Variants in SNX30 observed in about 807,000 individuals in gnomAD.
SNX30 encodes the protein sorting nexin family member 30.
Under a neutral mutation model 46.4 loss-of-function variants are expected in SNX30, and 24 were observed. That is an observed-to-expected ratio of 0.52 (90% CI 0.37 to 0.73). The LOEUF is 0.73. Ranked by LOEUF, SNX30 falls within the 30% of genes least tolerant of loss-of-function variation. The pLI is 0.00. For missense variants in SNX30, 533 were observed against 555.7 expected, an observed-to-expected ratio of 0.96 and a Z score of 0.41; for synonymous variants, 189 against 211.5, an observed-to-expected ratio of 0.89 and a Z score of 0.92.
chr9:112,837,627 C>T (rs1236583922), intron 5 of SNX30, among the ~76,000 whole-genome samples: 1 of 151,844 alleles, frequency 6.6e-6, no homozygotes, highest in Admixed American at 6.6e-5. Context: ...AGGTGCCCGC[C>T]ACCACGCCTG....
intron 1 of SNX30, among the ~76,000 whole-genome samples, chr9:112,778,500 G>A (rs146457692): frequency 6.6e-6 from 1 of 152,148 alleles, no homozygotes; most frequent in Non-Finnish European, 1.5e-5. Flanking sequence ...GCGAACTCCT[G>A]ACCTTAGGTG....
intron 1 of SNX30, among the ~76,000 whole-genome samples, chr9:112,775,211 A>C (rs1230769758): frequency 7.2e-6 from 1 of 139,396 alleles, no homozygotes; most frequent in Non-Finnish European, 1.5e-5. Flanking sequence ...GCTGGAGTGC[A>C]ATGGTGTGAT....
chr9:112,773,344 A>G (rs996477935), intron 1 of SNX30, among the ~76,000 whole-genome samples: 5 of 152,174 alleles, frequency 3.3e-5, no homozygotes, highest in Non-Finnish European at 5.9e-5. Context: ...ACTGATAGTC[A>G]TAACTCATAT....
At chr9:112,825,602 C>T (rs1266964244) in intron 3 of SNX30, among the ~76,000 whole-genome samples, 1 of 151,938 alleles carries the variant, frequency 6.6e-6, no homozygotes. Context: ...TTCCCCCAAT[C>T]GATTTTTTAA....
chr9:112,768,220 G>A (rs957758731), intron 1 of SNX30, among the ~76,000 whole-genome samples: 1 of 152,214 alleles, frequency 6.6e-6, no homozygotes, highest in Middle Eastern at 3.4e-3. Flanking sequence ...GATTTTCCTC[G>A]TGAGCTGCCT....
chr9:112,832,839 TTAATATA>T (rs1840689578), intron 4 of SNX30, among the ~76,000 whole-genome samples: 1 of 146,484 alleles, frequency 6.8e-6, no homozygotes, highest in African/African-American at 2.5e-5. Context: ...AATAAATATA[TTAATATA>T]TAATATATAA....
At chr9:112,885,001 C>G (rs77427648), downstream of SNX30, among the ~76,000 whole-genome samples, 1 of 152,084 alleles carries the variant, frequency 6.6e-6, no homozygotes, top group Non-Finnish European at 1.5e-5. Context: ...AGGACTCATA[C>G]GAAAACAGGA....
intron 8 of SNX30, among the ~76,000 whole-genome samples, chr9:112,866,174 G>T (rs1262204489): frequency 6.6e-6 from 1 of 152,144 alleles, no homozygotes; most frequent in Admixed American, 6.5e-5. Context: ...CTGCCCTGTG[G>T]AGGGTATGTG....
At chr9:112,774,507 C>T (rs1418328814) in intron 1 of SNX30, among the ~76,000 whole-genome samples, 7 of 152,198 alleles carry the variant, frequency 4.6e-5, no homozygotes, top group Non-Finnish European at 8.8e-5. Flanking sequence ...CGTGATCATT[C>T]ATGTGCAAGT....
intron 1 of SNX30, among the ~76,000 whole-genome samples, chr9:112,775,545 TGTG>T (rs1564264777): frequency 1.9e-3 from 125 of 64,446 alleles, no homozygotes; most frequent in Non-Finnish European, 3.3e-3. Context: ...TTTAAATTTG[TGTG>T]TGTGTGTGTG....
chr9:112,816,823 T>G (rs1840403810), intron 2 of SNX30, among the ~76,000 whole-genome samples: 1 of 152,240 alleles, frequency 6.6e-6, no homozygotes, highest in Non-Finnish European at 1.5e-5. Flanking sequence ...ATATAGTGTG[T>G]ATCCTCATAG....
At chr9:112,788,333 C>T (rs1438407788) in intron 1 of SNX30, among the ~76,000 whole-genome samples, 1 of 152,124 alleles carries the variant, frequency 6.6e-6, no homozygotes. Flanking sequence ...CCTTAGGCAC[C>T]TGACTTCTTA....
At chr9:112,834,673 G>C (rs1029371941) in intron 4 of SNX30, among the ~76,000 whole-genome samples, 8 of 152,246 alleles carry the variant, frequency 5.3e-5, no homozygotes, top group Non-Finnish European at 8.8e-5. Flanking sequence ...AGTCAGAAAG[G>C]CTGGGGAAGA....
chr9:112,877,500 C>G (rs1346164833), downstream of SNX30: 1 of 152,360 alleles, frequency 6.6e-6, no homozygotes, highest in Non-Finnish European at 1.5e-5. Context: ...CCTATCTGCT[C>G]TGCTCATGCT....
chr9:112,750,788 G>T lies in SNX30; in HGVS notation c.-214G>T, dbSNP rs111294365. ...GCCGTGCTGCCAGCGGACCCGCGGC[G>T]GGCTCGGGCGCGGAGCGGGGGCGCG... On this transcript the variant is annotated 5_prime_UTR_variant, in exon 1 of 9. Coordinates refer to ENST00000374232, the MANE Select transcript of SNX30 (RefSeq NM_001012994.2). The T allele has an allele frequency of 3.3e-5, 6 of 180,018 alleles. No homozygotes were observed. The highest frequency in any genetic ancestry group is 6.2e-5 in the Non-Finnish European group (6 of 96,130). 11.2% of individuals were successfully genotyped at this position (180,018 alleles called of 1,614,324 possible). A position where few individuals can be genotyped will look rare whatever the true frequency, so the allele number is the denominator to read the frequency against.
intron 1 of SNX30, among the ~76,000 whole-genome samples, chr9:112,751,584 A>T (rs1839277420): frequency 6.6e-6 from 1 of 152,176 alleles, no homozygotes; most frequent in South Asian, 2.1e-4. Context: ...CCGTGCTGGG[A>T]CCGGGCAGCC....
intron 1 of SNX30, among the ~76,000 whole-genome samples, chr9:112,788,287 G>A (rs185612257): frequency 1.4e-3 from 216 of 152,106 alleles, no homozygotes; most frequent in Non-Finnish European, 2.0e-3. Context: ...CTAGGCCTTT[G>A]TTCTGAAAAC....
At chr9:112,884,532 A>G (rs1345907006), downstream of SNX30, among the ~76,000 whole-genome samples, 1 of 152,148 alleles carries the variant, frequency 6.6e-6, no homozygotes, top group Non-Finnish European at 1.5e-5. Context: ...GTACATTTGA[A>G]TCACCTGGAG....
At chr9:112,856,656 A>G (rs145904740) in intron 7 of SNX30, 2,117 of 152,252 alleles carry the variant, frequency 0.014, 24 homozygotes, top group Non-Finnish European at 0.021. Context: ...CCACCGGGAT[A>G]GTGAATGTTC....
Sources: allele counts gnomAD v4.1 joint callset (sites outside exome capture counted in the v4.1 genomes callset), GRCh38; gene constraint gnomAD v4.1.1; transcripts MANE v1.5; gene names NCBI Gene and HGNC (gene_info 2026-07-23, HGNC 2026-07-21).